Variants in GGPS1 observed in about 807,000 individuals in gnomAD.
GGPS1 encodes geranylgeranyl pyrophosphate synthase.
In GGPS1, 15 loss-of-function variants were observed where a neutral mutation model predicts 28.1. The ratio of observed to expected loss-of-function variants is 0.53; its 90% confidence interval spans 0.36 to 0.82. The LOEUF is 0.82. Ranked by LOEUF, GGPS1 falls within the 40% of genes least tolerant of loss-of-function variation. The pLI is 0.01. For synonymous variants in GGPS1, 138 were observed against 122.4 expected, an observed-to-expected ratio of 1.13 and a Z score of -0.84; for missense variants, 284 against 348.3, an observed-to-expected ratio of 0.82 and a Z score of 1.47.
chr1:235,340,735 C>CAAAAAAAAAA, intron 2 of GGPS1, among the ~76,000 whole-genome samples: 1 of 50,994 alleles, frequency 2.0e-5, no homozygotes, highest in Non-Finnish European at 3.4e-5. Flanking sequence ...GACTCCGTCT[C>CAAAAAAAAAA]AAAAAAAAAA....
chr1:235,330,332 A>C (rs1675672063), intron 1 of GGPS1: 1 of 152,236 alleles, frequency 6.6e-6, no homozygotes, highest in Non-Finnish European at 1.5e-5. Context: ...AAAATACAAA[A>C]AAATTAGCCG....
chr1:235,342,386 T>A lies in GGPS1; in HGVS notation c.517T>A (p.Leu173Ile), dbSNP rs761522290. The change falls in exon 4 of 4, where the codon TTA becomes ATA. Residue 173 changes from leucine (L) to isoleucine (I), a missense_variant. Physicochemically the swap from Leu to Ile is conservative, Grantham distance 5. Coordinates refer to ENST00000282841, the MANE Select transcript of GGPS1 (RefSeq NM_004837.4). ...MQLFSDYKED[L>I]KPLLNTLGLF... ...GTTGTTCTCTGATTACAAAGAAGATTTAAAACCGCTACTTAATACACTTGG... is the reference window on the plus strand; with the variant it reads ...GTTGTTCTCTGATTACAAAGAAGATATAAAACCGCTACTTAATACACTTGG... 8.1e-6 allele frequency: 13 copies of A among 1,614,144 alleles called. No homozygotes were observed. The highest frequency in any genetic ancestry group is 1.1e-5 in the Non-Finnish European group (13 of 1,179,956).
At chr1:235,331,391 T>C (rs919241271) in intron 1 of GGPS1, among the ~76,000 whole-genome samples, 9 of 152,214 alleles carry the variant, frequency 5.9e-5, no homozygotes, top group Admixed American at 1.3e-4. Flanking sequence ...TAATTTTCAT[T>C]TGTAATCTGC....
intron 1 of GGPS1, among the ~76,000 whole-genome samples, chr1:235,330,920 C>G (rs1987092): frequency 0.69 from 104,687 of 152,064 alleles, 36,630 homozygotes; most frequent in South Asian, 0.88. Flanking sequence ...TATATGAGAT[C>G]CTTTTTTAAT....
Position 235,342,562 on chromosome 1 carries a change from G to T in GGPS1, c.693G>T (p.Gln231His). Residue 231 changes from glutamine (Q) to histidine (H), a missense_variant, in exon 4 of 4, where the codon CAG becomes CAT. Transcript: ENST00000282841. ...CAAGGCCTGAAAGCACCCAGGTGCA[G>T]AATATCTTGCGCCAGAGAACAGAAA... Reference protein sequence around the residue: ...IWSRPESTQVQNILRQRTENI... With the variant: ...IWSRPESTQVHNILRQRTENI... 6.2e-7 allele frequency: 1 copy of T among 1,611,300 alleles called. No homozygotes were observed. The highest frequency in any genetic ancestry group is 8.5e-7 in the Non-Finnish European group (1 of 1,177,412).
intron 1 of GGPS1, among the ~76,000 whole-genome samples, chr1:235,333,796 A>G (rs1675789413): frequency 6.6e-6 from 1 of 152,230 alleles, no homozygotes. Context: ...TAGATGCCAT[A>G]TTACATTTAG....
At chr1:235,338,197 A>G (rs1462245946) in intron 2 of GGPS1, among the ~76,000 whole-genome samples, 1 of 152,100 alleles carries the variant, frequency 6.6e-6, no homozygotes, top group Non-Finnish European at 1.5e-5. Flanking sequence ...CCTGGGCAAC[A>G]TGGCAAAACC....
At position 235,328,725 on chromosome 1, in the gene GGPS1, G is replaced by A. The variant is rs2103333683; in HGVS notation, c.-77G>A. On this transcript the variant is annotated 5_prime_UTR_variant, in exon 1 of 4. Transcript: ENST00000282841. ...ATTATAAAATAGGAAGTTGATGCGGGGTACAGTTACTCCCGGACCGGCGGC... is the reference window on the plus strand; with the variant it reads ...ATTATAAAATAGGAAGTTGATGCGGAGTACAGTTACTCCCGGACCGGCGGC... The A allele has an allele frequency of 6.5e-6, 1 of 152,776 alleles. No homozygotes were observed. The highest frequency in any genetic ancestry group is 2.1e-4 in the South Asian group (1 of 4,868). The allele number at this position is 152,776 out of a possible 1,614,324, so 9.5% of individuals were successfully genotyped here. A position where few individuals can be genotyped will look rare whatever the true frequency, so the allele number is the denominator to read the frequency against.
intron 1 of GGPS1, chr1:235,329,180 A>T (rs1040333287): frequency 1.3e-5 from 2 of 152,246 alleles, no homozygotes; most frequent in African/African-American, 4.8e-5. Flanking sequence ...TGCGCTTCAC[A>T]TTTGTATGTC....
At chr1:235,339,790 G>A (rs1675977086) in intron 2 of GGPS1, among the ~76,000 whole-genome samples, 1 of 151,402 alleles carries the variant, frequency 6.6e-6, no homozygotes, top group South Asian at 2.1e-4. Context: ...CAGTATTTTA[G>A]TTTTAACTTT....
chr1:235,342,223 G>A lies in GGPS1; in HGVS notation c.354G>A (p.Gln118=), dbSNP rs1176345210. 3 of 1,613,952 alleles carry A rather than the reference G, an allele frequency of 1.9e-6. No homozygotes were observed. The highest frequency in any genetic ancestry group is 2.2e-5 in the South Asian group (2 of 91,056). The change falls in exon 4 of 4, where the codon CAG becomes CAA. Residue 118 remains glutamine (Q), a synonymous_variant. Transcript: ENST00000282841. ...HPDAVKLFTR[Q]LLELHQGQGL... is the part of the protein sequence containing the mutation. ...ATGCAGTGAAGCTTTTTACCCGCCA[G>A]CTTTTGGAACTCCATCAGGGACAAG...
chr1:235,334,644 T>C (rs560040364), intron 1 of GGPS1, among the ~76,000 whole-genome samples: 3 of 152,364 alleles, frequency 2.0e-5, no homozygotes, highest in African/African-American at 7.2e-5. Flanking sequence ...ATTGGCTTAT[T>C]CTGAACATTT....
At chr1:235,339,340 C>A (rs1172218765) in intron 2 of GGPS1, among the ~76,000 whole-genome samples, 1 of 152,040 alleles carries the variant, frequency 6.6e-6, no homozygotes, top group Non-Finnish European at 1.5e-5. Context: ...TAGTGACGCA[C>A]ACCTGTAATC....
At chr1:235,331,172 C>T (rs1265290938) in intron 1 of GGPS1, among the ~76,000 whole-genome samples, 1 of 151,804 alleles carries the variant, frequency 6.6e-6, no homozygotes, top group Non-Finnish European at 1.5e-5. Flanking sequence ...TTTTTCCTTG[C>T]GACGTCTTTG....
rs751536273 is a variant in GGPS1, at chr1:235,342,552, C to T, written c.683C>T (p.Thr228Ile). The change falls in exon 4 of 4, where the codon ACC (threonine) becomes ATC (isoleucine). Residue 228 changes from threonine (T) to isoleucine (I), a missense_variant. By Grantham distance (89) the Thr-to-Ile change is moderately conservative. Transcript: ENST00000282841. ...IHAIWSRPES[T>I]QVQNILRQRT... ...GCTATTTGGTCAAGGCCTGAAAGCA[C>T]CCAGGTGCAGAATATCTTGCGCCAG... 4 of 1,611,902 alleles carry T rather than the reference C, an allele frequency of 2.5e-6. No individual in the cohort carries two copies. Among genetic ancestry groups the T allele is most frequent in the Non-Finnish European group, 3.4e-6 (4 of 1,178,006 alleles).
intron 2 of GGPS1, among the ~76,000 whole-genome samples, chr1:235,338,922 G>A (rs1416471916): frequency 6.6e-6 from 1 of 152,010 alleles, no homozygotes; most frequent in Non-Finnish European, 1.5e-5. Context: ...CCAGCACTTC[G>A]AGAGGCCAAA....
At chr1:235,327,236 C>A, upstream of GGPS1, 1 of 274,214 alleles carries the variant, frequency 3.6e-6, no homozygotes, top group Non-Finnish European at 7.0e-6. Context: ...CCATTTCTGT[C>A]AGAGAAGAAA....
intron 2 of GGPS1, among the ~76,000 whole-genome samples, chr1:235,341,329 A>G (rs917169478): frequency 6.6e-5 from 10 of 152,198 alleles, no homozygotes; most frequent in Non-Finnish European, 1.5e-4. Flanking sequence ...TCTGTCTCAA[A>G]TAATTAATAA....
At chr1:235,340,666 G>A (rs555858664) in intron 2 of GGPS1, among the ~76,000 whole-genome samples, 9 of 147,344 alleles carry the variant, frequency 6.1e-5, no homozygotes, top group Non-Finnish European at 1.2e-4. Context: ...AACCCGGGAG[G>A]CGGAGCTTGC....
Sources: allele counts gnomAD v4.1 joint callset (sites outside exome capture counted in the v4.1 genomes callset), GRCh38; gene constraint gnomAD v4.1.1; transcripts MANE v1.5; gene names NCBI Gene and HGNC (gene_info 2026-07-23, HGNC 2026-07-21).